The following RILPL1 variants were observed in gnomAD, a reference collection of about 807,000 sequenced individuals.
RILPL1 encodes the protein Rab interacting lysosomal protein like 1.
RILPL1 carries 33 observed loss-of-function variants against 50.3 expected under a neutral mutation model. The observed-to-expected ratio is 0.66, with a 90% CI of 0.50 to 0.88. The LOEUF (loss-of-function observed/expected upper bound fraction) is 0.88, where lower values mean the gene tolerates loss of function less well. Ranked by LOEUF, RILPL1 falls within the 40% of genes least tolerant of loss-of-function variation. The probability of loss-of-function intolerance (pLI) is 0.00; values close to 1 mark genes in which losing one functional copy is unlikely to be tolerated. For synonymous variants in RILPL1, 205 were observed against 228.6 expected, an observed-to-expected ratio of 0.90 and a Z score of 0.93; for missense variants, 418 against 542.5, an observed-to-expected ratio of 0.77 and a Z score of 2.28.
At position 123,472,549 on chromosome 12, in the gene RILPL1, G is replaced by C. The variant is rs1355238371; in HGVS notation, c.1201C>G (p.Gln401Glu). 1.3e-6 allele frequency: 2 copies of C among 1,551,684 alleles called. No homozygotes were observed. Among genetic ancestry groups the C allele is most frequent in the Admixed American group, 2.0e-5 (1 of 50,998 alleles). Residue 401 changes from glutamine to glutamate, a missense_variant, in exon 7 of 7, where the codon CAG becomes GAG. Physicochemically the swap from Gln to Glu is conservative, Grantham distance 29. Coordinates refer to ENST00000376874, the MANE Select transcript of RILPL1 (RefSeq NM_178314.5). ...GYTEQGQEAL[Q>E]HL ...GAGATGGGCCAAGGTCACAGATGCT[G>C]CAGGGCTTCCTGTCCTTGCTCTGTG...
intron 4 of RILPL1, among the ~76,000 whole-genome samples, chr12:123,493,810 A>G (rs1882849671): frequency 7.0e-6 from 1 of 143,434 alleles, no homozygotes; most frequent in Admixed American, 7.0e-5. Flanking sequence ...TTTGAGATGA[A>G]GTCTTGCTCT....
At chr12:123,496,473 TC>T (rs1883043145) in intron 4 of RILPL1, among the ~76,000 whole-genome samples, 1 of 152,108 alleles carries the variant, frequency 6.6e-6, no homozygotes, top group Non-Finnish European at 1.5e-5. Context: ...CTGTCCTACC[TC>T]CCCTACCTGT....
At chr12:123,500,771 AT>A (rs1883330061) in intron 2 of RILPL1, among the ~76,000 whole-genome samples, 1 of 152,064 alleles carries the variant, frequency 6.6e-6, no homozygotes, top group Non-Finnish European at 1.5e-5. Flanking sequence ...GTGAGGATTG[AT>A]TATGTCAACC....
chr12:123,475,759 A>G, intron 6 of RILPL1: 1 of 1,547,440 alleles, frequency 6.5e-7, no homozygotes, highest in Middle Eastern at 1.7e-4. Context: ...TCCTGGTTAG[A>G]GAAGTACAGA....
intron 2 of RILPL1, chr12:123,515,531 C>A (rs1252089767): frequency 6.6e-6 from 1 of 151,496 alleles, no homozygotes; most frequent in Admixed American, 6.6e-5. Context: ...CTCACTACGA[C>A]CTCTGCCTCC....
intron 6 of RILPL1, among the ~76,000 whole-genome samples, chr12:123,479,503 CTG>C (rs1362809631): frequency 2.0e-5 from 3 of 152,176 alleles, no homozygotes; most frequent in Non-Finnish European, 4.4e-5. Flanking sequence ...GCCTCAGAAA[CTG>C]TCATTCCCTG....
chr12:123,516,082 C>T (rs1351862207), intron 2 of RILPL1, among the ~76,000 whole-genome samples: 1 of 141,374 alleles, frequency 7.1e-6, no homozygotes, highest in African/African-American at 2.7e-5. Context: ...GATTGAGCAA[C>T]TTGGCCCAAA....
intron 1 of RILPL1, among the ~76,000 whole-genome samples, chr12:123,530,081 T>G (rs1035915984): frequency 1.6e-4 from 24 of 152,104 alleles, no homozygotes; most frequent in Admixed American, 4.6e-4. Flanking sequence ...AAATGATAAG[T>G]TTTTATACTG....
intron 1 of RILPL1, among the ~76,000 whole-genome samples, chr12:123,523,936 T>G (rs940289444): frequency 4.6e-5 from 7 of 152,098 alleles, no homozygotes; most frequent in African/African-American, 1.7e-4. Context: ...CTCTTCAGAG[T>G]AGACAGAGCA....
intron 2 of RILPL1, among the ~76,000 whole-genome samples, chr12:123,507,953 G>GAAAAAAAAAAAAAAAAAAAAAAA (rs56309765): frequency 8.7e-6 from 1 of 115,012 alleles, no homozygotes; most frequent in African/African-American, 3.2e-5. Flanking sequence ...AAAAAAAAAA[G>GAAAAAAAAAAAAAAAAAAAAAAA]AAAAAAAAAA....
chr12:123,492,007 A>AAAAT (rs1298904571), intron 4 of RILPL1, among the ~76,000 whole-genome samples: 5 of 151,894 alleles, frequency 3.3e-5, no homozygotes, highest in African/African-American at 4.8e-5. Flanking sequence ...ACCCTGACTC[A>AAAAT]AAATAAATAA....
chr12:123,533,187 C>A lies in RILPL1; in HGVS notation c.296G>T (p.Arg99Leu). The A allele has an allele frequency of 1.3e-6, 2 of 1,559,776 alleles. No homozygotes were observed. The highest frequency in any genetic ancestry group is 1.7e-6 in the Non-Finnish European group (2 of 1,156,596). Residue 99 changes from arginine (R) to leucine (L), a missense_variant, in exon 1 of 7, where the codon CGC becomes CTC. By Grantham distance (102) the Arg-to-Leu change is moderately radical. Coordinates refer to ENST00000376874, the MANE Select transcript of RILPL1 (RefSeq NM_178314.5). This position sits in a 1 kb window ranked among gnomAD's most constrained non-coding sequence, Gnocchi z 6.2. ...GCCGCCGCCCACCTTCTGGTGCTTG[C>A]GCTCCTTCTCGATGCGGTCCATCCT... ...LERMDRIEKE[R>L]KHQKELELVE... is the part of the protein sequence containing the mutation.
chr12:123,503,471 G>C (rs1028390926), intron 2 of RILPL1, among the ~76,000 whole-genome samples: 1 of 151,886 alleles, frequency 6.6e-6, no homozygotes, highest in Admixed American at 6.6e-5. Context: ...AAAGCAATGG[G>C]ATTATATAGG....
chr12:123,472,796 C>A lies in RILPL1; in HGVS notation c.1068-114G>T, dbSNP rs1044697495. ...AAACTTAGAAGGGAGCAAATCAATT[C>A]AAGGTGTGAAAGACAAAGTTGGGGG... On this transcript the variant is annotated intron_variant, in intron 6 of 6. Coordinates refer to ENST00000376874, the MANE Select transcript of RILPL1 (RefSeq NM_178314.5). 4 of 1,177,256 alleles carry A rather than the reference C, an allele frequency of 3.4e-6. No individual in the cohort carries two copies. In the African/African-American group the frequency reaches 6.1e-5, roughly 18 times the overall value. The allele number at this position is 1,177,256 out of a possible 1,614,324, so 72.9% of individuals were successfully genotyped here.
At position 123,503,186 on chromosome 12, in the gene RILPL1, C is replaced by CTTTTTTTTT. The variant is rs373514624; in HGVS notation, c.461-3659_461-3651dup. Among the ~76,000 whole-genome samples the CTTTTTTTTT allele has an allele frequency of 3.2e-4, 26 of 80,736 alleles. 1 individual carries two copies. Among genetic ancestry groups the CTTTTTTTTT allele is most frequent in the African/African-American group, 4.5e-4 (8 of 17,958 alleles). 53.0% of individuals were successfully genotyped at this position (80,736 alleles called of 152,430 possible). A position where few individuals can be genotyped will look rare whatever the true frequency, so the allele number is the denominator to read the frequency against. On this transcript the variant is annotated intron_variant, in intron 2 of 6. Coordinates refer to ENST00000376874, the MANE Select transcript of RILPL1 (RefSeq NM_178314.5). ...ACAGGCGTGAACCACCACGCCTGGC[C>CTTTTTTTTT]TTTTTTTTTTTTTTTTTTTTTTTTT...
Position 123,485,146 on chromosome 12 carries a change from C to T in RILPL1, c.974+487G>A, listed in dbSNP as rs1233643782. The T allele has an allele frequency of 2.2e-6, 1 of 456,354 alleles. No homozygotes were observed. Among genetic ancestry groups the T allele is most frequent in the African/African-American group, 2.0e-5 (1 of 50,198 alleles). 28.3% of individuals were successfully genotyped at this position (456,354 alleles called of 1,614,324 possible). A position where few individuals can be genotyped will look rare whatever the true frequency, so the allele number is the denominator to read the frequency against. ...CACCTACTGTGTGCCAAGCTCCATTCTAAGTGCTGGGAACTTAGCCATGGA... is the reference window on the plus strand; with the variant it reads ...CACCTACTGTGTGCCAAGCTCCATTTTAAGTGCTGGGAACTTAGCCATGGA... On this transcript the variant is annotated intron_variant, in intron 5 of 6. Transcript: ENST00000376874. This position sits in a 1 kb window ranked among gnomAD's most constrained non-coding sequence, Gnocchi z 4.0.
At chr12:123,529,202 G>C (rs1885365774) in intron 1 of RILPL1, among the ~76,000 whole-genome samples, 1 of 152,180 alleles carries the variant, frequency 6.6e-6, no homozygotes, top group South Asian at 2.1e-4. Flanking sequence ...CCTCAGGGAA[G>C]ACTTCCTGAC....
intron 1 of RILPL1, among the ~76,000 whole-genome samples, chr12:123,526,979 T>C (rs1315824457): frequency 1.3e-5 from 2 of 152,166 alleles, no homozygotes; most frequent in Non-Finnish European, 2.9e-5. Context: ...ATCCAAGTCC[T>C]AATCCCTGAG....
chr12:123,484,301 A>G, intron 5 of RILPL1, 29 bp from the exon 6 acceptor site: 3 of 1,406,446 alleles, frequency 2.1e-6, no homozygotes, highest in East Asian at 2.3e-5. Context: ...CGTGAGATAA[A>G]AGAGTCAAAA....
Sources: gnomAD v4.1 joint callset for allele counts (sites outside exome capture counted in the v4.1 genomes callset) on GRCh38, gnomAD v4.1.1 for gene constraint, Gnocchi (gnomAD v3.1) non-coding constraint, MANE v1.5 for transcripts, NCBI Gene and HGNC (gene_info 2026-07-23, HGNC 2026-07-21) for gene names.